The following RAPH1 variants were observed in gnomAD, a reference collection of about 807,000 sequenced individuals.
RAPH1 encodes the protein ras-associated and pleckstrin homology domains-containing protein 1.
Under a neutral mutation model 88.1 loss-of-function variants are expected in RAPH1, and 18 were observed. The ratio of observed to expected loss-of-function variants is 0.20; its 90% CI spans 0.14 to 0.30. The LOEUF is 0.30. Among genes scored for constraint, RAPH1 ranks in the 10% least tolerant of loss-of-function variants. The probability of loss-of-function intolerance (pLI) is 1.00; values close to 1 mark genes in which losing one functional copy is unlikely to be tolerated. For synonymous variants in RAPH1, 587 were observed against 559.0 expected, an observed-to-expected ratio of 1.05 and a Z score of -0.71; for missense variants, 1,448 against 1,543.2, an observed-to-expected ratio of 0.94 and a Z score of 1.03.
rs2098524465 is a variant in RAPH1 at position 203,461,847 on chromosome 2, C to A, written c.810+1G>T. The A allele has an allele frequency of 6.2e-7, 1 of 1,602,428 alleles. No individual in the cohort carries two copies. The highest frequency in any genetic ancestry group is 1.7e-5 in the Admixed American group (1 of 58,162). The stretch of plus-strand genomic sequence containing the variant: ...AAACCAGGAAGAGGCCCACATATCA[C>A]CTTTTTCACTTGTGCCTCTTTAATT... On this transcript the variant is annotated splice_donor_variant, in intron 5 of 13. Transcript: ENST00000319170. LOFTEE classifies it high-confidence loss of function.
At position 203,439,399 on chromosome 2, in the gene RAPH1, G is replaced by A. The variant is rs1163828747; in HGVS notation, c.*38C>T. 1.9e-6 allele frequency: 3 copies of A among 1,584,452 alleles called. No individual in the cohort carries two copies. The African/African-American group carries it at 4.0e-5, about 21-fold the overall frequency. On this transcript the variant is annotated 3_prime_UTR_variant, in exon 14 of 14. Coordinates refer to ENST00000319170, the MANE Select transcript of RAPH1 (RefSeq NM_213589.3). Reference sequence around the variant, plus strand: ...ATGATCAGGTGAGCTGATTGTAGCAGTGATTACAGATATCATGAAAATAAA... The same window carrying A: ...ATGATCAGGTGAGCTGATTGTAGCAATGATTACAGATATCATGAAAATAAA...
chr2:203,521,512 TG>T (rs1299259830), intron 1 of RAPH1, among the ~76,000 whole-genome samples: 2 of 152,310 alleles, frequency 1.3e-5, no homozygotes, highest in African/African-American at 4.8e-5. Context: ...AGATTTTCAT[TG>T]TATACATTAC....
At position 203,455,542 on chromosome 2, in the gene RAPH1, A is replaced by G; in HGVS notation, c.1197T>C (p.Ile399=). Residue 399 remains isoleucine (I), a synonymous_variant, in exon 9 of 14, where the codon ATT becomes ATC. Transcript: ENST00000319170. Reference sequence around the variant, plus strand: ...CATCCTTCAACCAAAGGACTCCTTCAATTTCTGGTACAGTTACAGAACTTC... The same window carrying G: ...CATCCTTCAACCAAAGGACTCCTTCGATTTCTGGTACAGTTACAGAACTTC... ...FCGSSVTVPE[I]EGVLWLKDDG... The G allele has an allele frequency of 6.2e-7, 1 of 1,613,542 alleles. No homozygotes were observed. Among genetic ancestry groups the G allele is most frequent in the Non-Finnish European group, 8.5e-7 (1 of 1,179,642 alleles).
At chr2:203,512,058 A>C (rs1213955341) in intron 1 of RAPH1, among the ~76,000 whole-genome samples, 1 of 152,070 alleles carries the variant, frequency 6.6e-6, no homozygotes, top group Non-Finnish European at 1.5e-5. Flanking sequence ...GGTTGCAGAG[A>C]GCCGAGATCG....
chr2:203,441,748 G>A (rs2098504416), intron 13 of RAPH1: 3 of 1,285,014 alleles, frequency 2.3e-6, no homozygotes, highest in Non-Finnish European at 2.9e-6. Context: ...GACACAGCCT[G>A]CCCTACATGG....
At chr2:203,464,003 A>C (rs2098526401) in intron 4 of RAPH1, among the ~76,000 whole-genome samples, 1 of 152,240 alleles carries the variant, frequency 6.6e-6, no homozygotes. Flanking sequence ...ATTTTCCAGC[A>C]GTTTTTATGA....
intron 8 of RAPH1, among the ~76,000 whole-genome samples, chr2:203,456,211 C>T (rs1443111061): frequency 6.6e-6 from 1 of 152,132 alleles, no homozygotes; most frequent in Non-Finnish European, 1.5e-5. Context: ...GACACATGAA[C>T]TGAGTTGCAT....
chr2:203,517,031 G>A (rs561808641), intron 1 of RAPH1, among the ~76,000 whole-genome samples: 5 of 148,766 alleles, frequency 3.4e-5, no homozygotes, highest in East Asian at 2.0e-4. Context: ...GAAAGACTCC[G>A]TCTCAAAAAA....
chr2:203,499,126 CAT>C (rs752385512), intron 1 of RAPH1, among the ~76,000 whole-genome samples: 1 of 152,200 alleles, frequency 6.6e-6, no homozygotes, highest in African/African-American at 2.4e-5. Flanking sequence ...TTAAATGACA[CAT>C]GACTGTACAG....
chr2:203,458,199 G>C (rs554657700), intron 7 of RAPH1, among the ~76,000 whole-genome samples: 2 of 152,114 alleles, frequency 1.3e-5, no homozygotes, highest in African/African-American at 4.8e-5. Context: ...GTGAAACCCC[G>C]TCTCTACTAA....
Position 203,506,892 on chromosome 2 carries a change from A to ATT in RAPH1, c.1-11540_1-11539insAA, listed in dbSNP as rs1378152220. 4.3e-4 allele frequency among the ~76,000 whole-genome samples: 44 copies of ATT among 102,822 alleles called. 2 individuals are homozygous for ATT. Among genetic ancestry groups the ATT allele is most frequent in the African/African-American group, 2.4e-3 (44 of 18,672 alleles). The allele number at this position is 102,822 out of a possible 152,430, so 67.5% of individuals were successfully genotyped here. A position where few individuals can be genotyped will look rare whatever the true frequency, so the allele number is the denominator to read the frequency against. On this transcript the variant is annotated intron_variant, in intron 1 of 13. Coordinates refer to ENST00000319170, the MANE Select transcript of RAPH1 (RefSeq NM_213589.3). Reference sequence around the variant, plus strand: ...TATATATATATATAGATATATATATATATATATTTTTTTTTTTTTTGAGAT... The same window carrying ATT: ...TATATATATATATAGATATATATATATTTATATATTTTTTTTTTTTTTGAGAT...
intron 5 of RAPH1, 119 bp from the exon 6 acceptor site, chr2:203,461,527 T>C: frequency 1.4e-6 from 1 of 729,186 alleles, no homozygotes; most frequent in Non-Finnish European, 2.0e-6. Flanking sequence ...AAAACACAAA[T>C]AATGACTTCA....
rs994939737 is a variant in RAPH1 at position 203,445,103 on chromosome 2, C to T, written c.1634-93G>A. On this transcript the variant is annotated intron_variant, in intron 12 of 13. Transcript: ENST00000319170. ...TCTAGTTAGATCTTTTACACAAGGT[C>T]AAGTGCTGTGTACAACAGCACCAAG... The T allele has an allele frequency of 7.8e-6, 9 of 1,157,026 alleles. No individual in the cohort carries two copies. The African/African-American group carries it at 1.4e-4, about 18-fold the overall frequency. 71.7% of individuals were successfully genotyped at this position (1,157,026 alleles called of 1,614,324 possible).
chr2:203,508,049 TA>T (rs979063759), intron 1 of RAPH1, among the ~76,000 whole-genome samples: 54 of 143,210 alleles, frequency 3.8e-4, no homozygotes, highest in Admixed American at 4.2e-4. Context: ...CATCCCTACT[TA>T]AAAAAAAAAA....
intron 4 of RAPH1, among the ~76,000 whole-genome samples, chr2:203,483,289 A>T (rs1687811434): frequency 6.6e-6 from 1 of 152,234 alleles, no homozygotes; most frequent in Non-Finnish European, 1.5e-5. Context: ...CCTATTCAAA[A>T]ATCTAAATCA....
chr2:203,506,820 CTATATA>C lies in RAPH1; in HGVS notation c.1-11473_1-11468del, dbSNP rs1228434767. The stretch of plus-strand genomic sequence containing the variant: ...TATATATATATCTATATCTATATAT[CTATATA>C]TATATCTATATCTATATATCTATCT... On this transcript the variant is annotated intron_variant, in intron 1 of 13. Transcript: ENST00000319170. Among the ~76,000 whole-genome samples the C allele has an allele frequency of 7.3e-3, 513 of 70,642 alleles. 62 individuals carry two copies. Among genetic ancestry groups the C allele is most frequent in the African/African-American group, 0.039 (486 of 12,584 alleles). The allele number at this position is 70,642 out of a possible 152,430, so 46.3% of individuals were successfully genotyped here. A position where few individuals can be genotyped will look rare whatever the true frequency, so the allele number is the denominator to read the frequency against.
chr2:203,477,043 T>G (rs574498597), intron 4 of RAPH1: 1 of 1,487,786 alleles, frequency 6.7e-7, no homozygotes, highest in South Asian at 1.1e-5. Flanking sequence ...TCCTCTTCAT[T>G]AAGTCATGCC....
At chr2:203,494,094 C>T (rs372951233) in intron 2 of RAPH1, among the ~76,000 whole-genome samples, 5 of 150,532 alleles carry the variant, frequency 3.3e-5, no homozygotes, top group Admixed American at 6.6e-5. Context: ...AAGAATTACA[C>T]GAAGAGTTTA....
At chr2:203,518,911 G>A (rs1689742537) in intron 1 of RAPH1, among the ~76,000 whole-genome samples, 1 of 152,150 alleles carries the variant, frequency 6.6e-6, no homozygotes, top group Non-Finnish European at 1.5e-5. Context: ...ACTCAGATGA[G>A]ATGAACCAAT....
Sources: gnomAD v4.1 joint callset for allele counts (sites outside exome capture counted in the v4.1 genomes callset) on GRCh38, gnomAD v4.1.1 for gene constraint, MANE v1.5 for transcripts, NCBI Gene and HGNC (gene_info 2026-07-23, HGNC 2026-07-21) for gene names.